The following SORCS3 variants were observed in gnomAD, a reference collection of about 807,000 sequenced individuals.
The protein encoded by SORCS3 is VPS10 domain-containing receptor SorCS3.
In SORCS3, 57 loss-of-function variants were observed where a neutral mutation model predicts 146.3. The observed-to-expected ratio is 0.39, with a 90% CI of 0.31 to 0.49. The LOEUF (loss-of-function observed/expected upper bound fraction) is 0.49, where lower values mean the gene tolerates loss of function less well. Among genes scored for constraint, SORCS3 ranks in the 20% least tolerant of loss-of-function variants. The pLI, the probability that SORCS3 is intolerant of heterozygous loss-of-function variation, is 0.92. For synonymous variants in SORCS3, 653 were observed against 618.5 expected, an observed-to-expected ratio of 1.06 and a Z score of -0.83; for missense variants, 1,341 against 1,575.5, an observed-to-expected ratio of 0.85 and a Z score of 2.52.
At position 105,186,920 on chromosome 10, in the gene SORCS3, T is replaced by G. The variant is rs113312487; in HGVS notation, c.2009+8747T>G. On this transcript the variant is annotated intron_variant, in intron 14 of 26. Transcript: ENST00000369701. ...AAAAAAAAAATTCCCTCTTTCCTCCTGTCTAAATCCCATCTCAAATATCCA... is the reference window on the plus strand; with the variant it reads ...AAAAAAAAAATTCCCTCTTTCCTCCGGTCTAAATCCCATCTCAAATATCCA... Among the ~76,000 whole-genome samples, 139 of 151,544 alleles carry G rather than the reference T, an allele frequency of 9.2e-4. 2 individuals are homozygous for G. Among genetic ancestry groups the G allele is most frequent in the African/African-American group, 3.2e-3 (134 of 41,330 alleles).
chr10:105,174,774 C>T (rs2056386273), intron 13 of SORCS3, among the ~76,000 whole-genome samples: 1 of 152,108 alleles, frequency 6.6e-6, no homozygotes, highest in Non-Finnish European at 1.5e-5. Flanking sequence ...GCATTTTGCT[C>T]CTTCCGTGTG....
intron 1 of SORCS3, among the ~76,000 whole-genome samples, chr10:104,738,878 C>T (rs541628179): frequency 6.6e-6 from 1 of 152,314 alleles, no homozygotes; most frequent in East Asian, 1.9e-4. Flanking sequence ...CCAATACCCA[C>T]AGGTGAGTCA....
chr10:104,767,978 G>A (rs1025987854), intron 1 of SORCS3, among the ~76,000 whole-genome samples: 1 of 151,972 alleles, frequency 6.6e-6, no homozygotes, highest in African/African-American at 2.4e-5. Context: ...GCATACTAAG[G>A]GATCTAGAAC....
At chr10:104,848,256 C>T (rs554331169) in intron 2 of SORCS3, among the ~76,000 whole-genome samples, 3 of 152,084 alleles carry the variant, frequency 2.0e-5, no homozygotes, top group Non-Finnish European at 2.9e-5. Flanking sequence ...TCATCTGGTT[C>T]ACAAGCTGTT....
At chr10:104,981,008 C>A (rs1470732916) in intron 4 of SORCS3, among the ~76,000 whole-genome samples, 1 of 152,012 alleles carries the variant, frequency 6.6e-6, no homozygotes, top group Non-Finnish European at 1.5e-5. Context: ...TGGGGAAGAT[C>A]TTCTGAGTCC....
chr10:104,898,200 C>T (rs1463526202), intron 2 of SORCS3, among the ~76,000 whole-genome samples: 1 of 152,148 alleles, frequency 6.6e-6, no homozygotes, highest in South Asian at 2.1e-4. Context: ...CTCCAAGCCT[C>T]GCTTCTTTAT....
intron 8 of SORCS3, among the ~76,000 whole-genome samples, chr10:105,140,876 C>G (rs769578566): frequency 3.3e-5 from 5 of 152,078 alleles, no homozygotes; most frequent in Non-Finnish European, 7.4e-5. Context: ...ATGGTGTTTG[C>G]AGGATGTACC....
intron 1 of SORCS3, among the ~76,000 whole-genome samples, chr10:104,700,034 T>G (rs2016261555): frequency 6.6e-6 from 1 of 152,156 alleles, no homozygotes; most frequent in Non-Finnish European, 1.5e-5. Flanking sequence ...AGACCAGAAT[T>G]AAGTCAAAGC....
intron 1 of SORCS3, among the ~76,000 whole-genome samples, chr10:104,762,550 A>G (rs56154790): frequency 0.031 from 4,750 of 152,208 alleles, 92 homozygotes; most frequent in Middle Eastern, 0.045. Flanking sequence ...ACGCTTGGTG[A>G]TATGGTTTGG....
chr10:105,091,251 C>G lies in SORCS3; in HGVS notation c.1093+1412C>G, dbSNP rs12762053. 6.4e-3 allele frequency among the ~76,000 whole-genome samples: 634 copies of G among 99,254 alleles called. 1 individual carries two copies. Among genetic ancestry groups the G allele is most frequent in the Non-Finnish European group, 9.4e-3 (418 of 44,630 alleles). 65.1% of individuals were successfully genotyped at this position (99,254 alleles called of 152,430 possible). ...TCCTTCCTTCCCTCCTTCCTTCCTT[C>G]CCTCCTTCCTTCCTTCCCTCCTTCC... On this transcript the variant is annotated intron_variant, in intron 6 of 26. Coordinates refer to ENST00000369701, the MANE Select transcript of SORCS3 (RefSeq NM_014978.3).
chr10:104,788,995 C>A (rs760190687), intron 1 of SORCS3, among the ~76,000 whole-genome samples: 11 of 152,182 alleles, frequency 7.2e-5, no homozygotes, highest in Admixed American at 2.6e-4. Context: ...TGTCTTCCCC[C>A]ACCTGGGCTC....
chr10:105,184,824 T>C (rs2056465215), intron 14 of SORCS3, among the ~76,000 whole-genome samples: 4 of 152,212 alleles, frequency 2.6e-5, no homozygotes, highest in Admixed American at 2.6e-4. Flanking sequence ...GTAAGAACAT[T>C]TAACATGAAT....
chr10:104,804,351 T>C (rs981864630), intron 1 of SORCS3, among the ~76,000 whole-genome samples: 1 of 152,190 alleles, frequency 6.6e-6, no homozygotes, highest in Non-Finnish European at 1.5e-5. Flanking sequence ...ATATGAATTG[T>C]AGAGAGCATG....
At chr10:104,927,567 A>G (rs1050215456) in intron 3 of SORCS3, among the ~76,000 whole-genome samples, 1 of 152,248 alleles carries the variant, frequency 6.6e-6, no homozygotes, top group Non-Finnish European at 1.5e-5. Context: ...GGAGTTTTAC[A>G]CTTTGAAAGC....
chr10:104,647,758 T>G (rs1472762849), intron 1 of SORCS3, among the ~76,000 whole-genome samples: 1 of 152,234 alleles, frequency 6.6e-6, no homozygotes, highest in Non-Finnish European at 1.5e-5. Context: ...ACACTGAGTT[T>G]AGACAACTGG....
In SORCS3 at chr10:105,263,677, T is replaced by C; in HGVS notation, c.*303T>C. On this transcript the variant is annotated 3_prime_UTR_variant, in exon 27 of 27. Coordinates refer to ENST00000369701, the MANE Select transcript of SORCS3 (RefSeq NM_014978.3). ...TCTTTTTCCTTGTGGTCTCCCTTTT[T>C]TCAAAATTGAAGTTGGGTTGGCTCT... 1 of 310,042 alleles carries C rather than the reference T, an allele frequency of 3.2e-6. No homozygotes were observed. Among genetic ancestry groups the C allele is most frequent in the Middle Eastern group, 1.0e-3 (1 of 968 alleles). The allele number at this position is 310,042 out of a possible 1,614,324, so 19.2% of individuals were successfully genotyped here.
chr10:104,700,064 C>T (rs1234923533), intron 1 of SORCS3, among the ~76,000 whole-genome samples: 11 of 152,172 alleles, frequency 7.2e-5, no homozygotes. Flanking sequence ...GGTTGGGCTT[C>T]AGAGTCACAA....
At chr10:105,131,610 T>C (rs2056019506) in intron 7 of SORCS3, among the ~76,000 whole-genome samples, 1 of 152,168 alleles carries the variant, frequency 6.6e-6, no homozygotes, top group African/African-American at 2.4e-5. Context: ...TGCATTGTTA[T>C]AAATACCTGA....
At chr10:104,738,278 A>AT (rs982150814) in intron 1 of SORCS3, among the ~76,000 whole-genome samples, 1 of 151,922 alleles carries the variant, frequency 6.6e-6, no homozygotes, top group African/African-American at 2.4e-5. Context: ...CTTTAAAGTA[A>AT]TTTTTTTCCC....
Sources: allele counts gnomAD v4.1 joint callset (sites outside exome capture counted in the v4.1 genomes callset), GRCh38; gene constraint gnomAD v4.1.1; transcripts MANE v1.5; gene names NCBI Gene and HGNC (gene_info 2026-07-23, HGNC 2026-07-21).